Variants in NAALAD2 observed in about 807,000 individuals in gnomAD.
NAALAD2 encodes the protein N-acetylated alpha-linked acidic dipeptidase 2, also known as N-acetylated-alpha-linked acidic dipeptidase 2.
Under a neutral mutation model 95.6 loss-of-function variants are expected in NAALAD2, and 89 were observed. The ratio of observed to expected loss-of-function variants is 0.93; its 90% confidence interval spans 0.78 to 1.11. The LOEUF is 1.11. Ranked by LOEUF, NAALAD2 falls within the 50% of genes least tolerant of loss-of-function variation. NAALAD2 has a pLI of 0.00. For missense variants in NAALAD2, 894 were observed against 872.4 expected (o/e 1.02, Z -0.31); for synonymous variants, 264 against 294.4 (o/e 0.90, Z 1.06).
intron 18 of NAALAD2, among the ~76,000 whole-genome samples, chr11:90,186,695 A>G (rs1354960204): frequency 6.7e-6 from 1 of 148,482 alleles, no homozygotes; most frequent in Non-Finnish European, 1.5e-5. Context: ...TTAAAGACTT[A>G]AACGTTAGAC....
chr11:90,184,166 A>G (rs1041154032), intron 18 of NAALAD2, among the ~76,000 whole-genome samples: 7 of 152,214 alleles, frequency 4.6e-5, no homozygotes, highest in Non-Finnish European at 1.0e-4. Flanking sequence ...GCTATTTATC[A>G]TCAAATAATA....
At chr11:90,156,018 G>A (rs1431569424) in intron 6 of NAALAD2, among the ~76,000 whole-genome samples, 8 of 150,806 alleles carry the variant, frequency 5.3e-5, no homozygotes, top group Non-Finnish European at 1.2e-4. Flanking sequence ...CTGAATTTAT[G>A]AGCATAGAGT....
intron 18 of NAALAD2, among the ~76,000 whole-genome samples, chr11:90,185,500 G>A (rs1288265611): frequency 1.3e-5 from 2 of 151,962 alleles, no homozygotes; most frequent in Non-Finnish European, 2.9e-5. Flanking sequence ...GCGAGACCCT[G>A]TTTCTACAAA....
intron 18 of NAALAD2, among the ~76,000 whole-genome samples, chr11:90,189,060 C>G (rs959076920): frequency 6.6e-6 from 1 of 152,194 alleles, no homozygotes; most frequent in Non-Finnish European, 1.5e-5. Context: ...GATGCAGTCA[C>G]AAGGGTCCTT....
chr11:90,159,262 C>T lies in NAALAD2; in HGVS notation c.914C>T (p.Pro305Leu). Residue 305 changes from proline to leucine, a missense_variant, in exon 8 of 19, where the codon CCA becomes CTA. Physicochemically the swap from Pro to Leu is moderately conservative, Grantham distance 98. Coordinates refer to ENST00000534061, the MANE Select transcript of NAALAD2 (RefSeq NM_005467.4). ...LLRYLGGIAP[P>L]DKSWKGALNV... ...AGCTACTTGGGAGGAATTGCTCCACCAGATAAGAGTTGGAAGGGAGCCCTT... is the reference window on the plus strand; with the variant it reads ...AGCTACTTGGGAGGAATTGCTCCACTAGATAAGAGTTGGAAGGGAGCCCTT... 1 of 1,613,500 alleles carries T rather than the reference C, an allele frequency of 6.2e-7. No homozygotes were observed.
chr11:90,182,696 A>G (rs1202218522), intron 17 of NAALAD2, among the ~76,000 whole-genome samples: 2 of 152,040 alleles, frequency 1.3e-5, no homozygotes, highest in African/African-American at 2.4e-5. Context: ...AAATATAACA[A>G]ACGATTTTCC....
rs777843793 is a variant in NAALAD2, at chr11:90,149,060, A to T, written c.436A>T (p.Asn146Tyr). Reference sequence around the variant, plus strand: ...ACCAGATGGCTATGAGAATGTTACAAATATTGTGCCACCATATAATGCTTT... The same window carrying T: ...ACCAGATGGCTATGAGAATGTTACATATATTGTGCCACCATATAATGCTTT... ...PPPDGYENVT[N>Y]IVPPYNAFSA... The change falls in exon 4 of 19, where the codon AAT (asparagine) becomes TAT (tyrosine). Residue 146 changes from asparagine (N) to tyrosine (Y), a missense_variant. By Grantham distance (143) the Asn-to-Tyr change is moderately radical. Transcript: ENST00000534061. 6 of 1,607,382 alleles carry T rather than the reference A, an allele frequency of 3.7e-6. No homozygotes were observed. The Admixed American group carries it at 5.0e-5, about 13-fold the overall frequency.
At chr11:90,152,250 C>A in intron 5 of NAALAD2, 48 bp from the exon 6 acceptor site, 1 of 1,495,328 alleles carries the variant, frequency 6.7e-7, no homozygotes, top group South Asian at 1.3e-5. Context: ...TATGAATAAG[C>A]CAACCATTTG....
intron 18 of NAALAD2, among the ~76,000 whole-genome samples, chr11:90,188,123 C>G (rs1484968506): frequency 6.6e-6 from 1 of 152,010 alleles, no homozygotes; most frequent in African/African-American, 2.4e-5. Context: ...TTTAATTGGC[C>G]AAAACTTGGT....
chr11:90,188,750 T>C (rs1460477425), intron 18 of NAALAD2, among the ~76,000 whole-genome samples: 1 of 152,218 alleles, frequency 6.6e-6, no homozygotes, highest in Non-Finnish European at 1.5e-5. Context: ...GAGTTGTGGG[T>C]AATATATTGT....
At chr11:90,163,119 G>C in intron 9 of NAALAD2, 85 bp downstream of exon 9, 1 of 1,201,098 alleles carries the variant, frequency 8.3e-7, no homozygotes, top group Non-Finnish European at 1.2e-6. Flanking sequence ...CAATTGAAGT[G>C]GGGTTTTTTG....
rs1857341776 is a variant in NAALAD2 at position 90,191,980 on chromosome 11, A to G, written c.*233A>G. 1 of 275,466 alleles carries G rather than the reference A, an allele frequency of 3.6e-6. No individual in the cohort carries two copies. Among genetic ancestry groups the G allele is most frequent in the Non-Finnish European group, 6.7e-6 (1 of 149,266 alleles). 17.1% of individuals were successfully genotyped at this position (275,466 alleles called of 1,614,324 possible). On this transcript the variant is annotated 3_prime_UTR_variant, in exon 19 of 19. Coordinates refer to ENST00000534061, the MANE Select transcript of NAALAD2 (RefSeq NM_005467.4). ...AAAAAACTCCTGTGTGGCAGAAAGT[A>G]AAAGAAAATTCCCTAAATTATAGCA...
Position 90,173,935 on chromosome 11 carries a change from C to CT in NAALAD2, c.1502+24dup, listed in dbSNP as rs1565540896. The CT allele has an allele frequency of 6.8e-7, 1 of 1,480,988 alleles. No individual in the cohort carries two copies. Among genetic ancestry groups the CT allele is most frequent in the Non-Finnish European group, 9.4e-7 (1 of 1,062,476 alleles). 91.7% of individuals were successfully genotyped at this position (1,480,988 alleles called of 1,614,324 possible). A position where few individuals can be genotyped will look rare whatever the true frequency, so the allele number is the denominator to read the frequency against. On this transcript the variant is annotated intron_variant, in intron 14 of 18. Coordinates refer to ENST00000534061, the MANE Select transcript of NAALAD2 (RefSeq NM_005467.4). Reference sequence around the variant, plus strand: ...GCCTAGGTAAGTTACTGATATGCACCTTTTCTACTGTAGGATAAGTTATGA... The same window carrying CT: ...GCCTAGGTAAGTTACTGATATGCACCTTTTTCTACTGTAGGATAAGTTATGA...
At position 90,159,189 on chromosome 11, in the gene NAALAD2, C is replaced by T. The variant is rs761499365; in HGVS notation, c.891-50C>T. The T allele has an allele frequency of 1.6e-5, 21 of 1,354,596 alleles. No individual in the cohort carries two copies. The Middle Eastern group carries it at 5.4e-4, about 35-fold the overall frequency. 83.9% of individuals were successfully genotyped at this position (1,354,596 alleles called of 1,614,324 possible). ...TTGTCATCAAACTTTAAAATTTCTCCTTAGAAATTGTGGTAGCCTTTTTCT... is the reference window on the plus strand; with the variant it reads ...TTGTCATCAAACTTTAAAATTTCTCTTTAGAAATTGTGGTAGCCTTTTTCT... On this transcript the variant is annotated intron_variant, in intron 7 of 18. Coordinates refer to ENST00000534061, the MANE Select transcript of NAALAD2 (RefSeq NM_005467.4).
intron 18 of NAALAD2, among the ~76,000 whole-genome samples, chr11:90,187,991 T>C (rs572177121): frequency 6.6e-6 from 1 of 152,160 alleles, no homozygotes; most frequent in Non-Finnish European, 1.5e-5. Context: ...AGCCACGTGA[T>C]GGATGAAGAG....
intron 16 of NAALAD2, among the ~76,000 whole-genome samples, chr11:90,179,101 A>C (rs1952890969): frequency 6.6e-6 from 1 of 152,246 alleles, no homozygotes; most frequent in South Asian, 2.1e-4. Flanking sequence ...TCATGTTTCA[A>C]AGATCATTGT....
At chr11:90,151,879 GT>G in intron 5 of NAALAD2, among the ~76,000 whole-genome samples, 1 of 152,240 alleles carries the variant, frequency 6.6e-6, no homozygotes, top group African/African-American at 2.4e-5. Flanking sequence ...ACTCTATGAT[GT>G]GCGAGATTTT....
At chr11:90,136,008 A>G (rs997570461) in intron 2 of NAALAD2, among the ~76,000 whole-genome samples, 5 of 152,162 alleles carry the variant, frequency 3.3e-5, no homozygotes, top group Non-Finnish European at 5.9e-5. Flanking sequence ...TCTGTCAGGG[A>G]AAGTTAGATG....
chr11:90,177,890 C>A lies in NAALAD2; in HGVS notation c.1631C>A (p.Thr544Lys). 1 of 1,613,504 alleles carries A rather than the reference C, an allele frequency of 6.2e-7. No individual in the cohort carries two copies. The highest frequency in any genetic ancestry group is 8.5e-7 in the Non-Finnish European group (1 of 1,179,858). Reference sequence around the variant, plus strand: ...TACAGCAGCTACCCAGTGTACCACACAATTTATGAGACATTTGAATTGGTA... The same window carrying A: ...TACAGCAGCTACCCAGTGTACCACAAAATTTATGAGACATTTGAATTGGTA... The part of the protein sequence containing the change: ...DKYSSYPVYH[T>K]IYETFELVEK... Residue 544 changes from threonine to lysine, a missense_variant, in exon 16 of 19, where the codon ACA becomes AAA. By Grantham distance (78) the Thr-to-Lys change is moderately conservative. Coordinates refer to ENST00000534061, the MANE Select transcript of NAALAD2 (RefSeq NM_005467.4).
Sources: gnomAD v4.1 joint callset for allele counts (sites outside exome capture counted in the v4.1 genomes callset) on GRCh38, gnomAD v4.1.1 for gene constraint, MANE v1.5 for transcripts, NCBI Gene and HGNC (gene_info 2026-07-23, HGNC 2026-07-21) for gene names.